Variants in TCF12 observed in about 807,000 individuals in gnomAD.
TCF12 encodes the protein transcription factor 12.
In TCF12, 45 loss-of-function variants were observed where a neutral mutation model predicts 86.0. The ratio of observed to expected loss-of-function variants is 0.52; its 90% CI spans 0.41 to 0.67. The LOEUF (loss-of-function observed/expected upper bound fraction) is 0.67. TCF12 is among the 30% of genes least tolerant of loss of function. TCF12 has a pLI of 0.00. For synonymous variants in TCF12, 330 were observed against 299.6 expected, an observed-to-expected ratio of 1.10 and a Z score of -1.05; for missense variants, 881 against 859.9, an observed-to-expected ratio of 1.02 and a Z score of -0.31.
intron 8 of TCF12, chr15:57,219,317 G>A (rs887500065): frequency 2.4e-5 from 30 of 1,230,232 alleles, no homozygotes; most frequent in Non-Finnish European, 5.1e-6. Flanking sequence ...AGGACTTGAT[G>A]GAAATTGAAA....
intron 3 of TCF12, among the ~76,000 whole-genome samples, chr15:57,039,112 A>G (rs1002136108): frequency 2.0e-5 from 3 of 152,148 alleles, no homozygotes; most frequent in African/African-American, 7.2e-5. Flanking sequence ...ATTCACAAAA[A>G]CTTAGAAAGT....
Position 57,166,358 on chromosome 15 carries a change from A to G in TCF12, c.326-44A>G, listed in dbSNP as rs57181872. 1.3e-4 allele frequency: 196 copies of G among 1,531,106 alleles called. 1 individual carries two copies. In the African/African-American group the frequency reaches 2.4e-3, roughly 19 times the overall value. 94.8% of individuals were successfully genotyped at this position (1,531,106 alleles called of 1,614,324 possible). ...AGTCTAGCAGTTTGATTGTCTGTCA[A>G]TAAATGAAGGGTTTTATATAAAGTT... On this transcript the variant is annotated intron_variant, in intron 5 of 20. Coordinates refer to ENST00000333725, the MANE Select transcript of TCF12 (RefSeq NM_207037.2).
At chr15:57,123,795 T>G (rs1461223095) in intron 5 of TCF12, among the ~76,000 whole-genome samples, 1 of 150,632 alleles carries the variant, frequency 6.6e-6, no homozygotes, top group Non-Finnish European at 1.5e-5. Context: ...ACTAGAAAAG[T>G]ACAAAAAACA....
At chr15:57,114,806 A>G (rs1430463731) in intron 5 of TCF12, among the ~76,000 whole-genome samples, 2 of 152,198 alleles carry the variant, frequency 1.3e-5, no homozygotes, top group Non-Finnish European at 2.9e-5. Flanking sequence ...AAGTTGTTGT[A>G]TATCTTTGGC....
chr15:57,190,290 A>T (rs562311336), intron 6 of TCF12, among the ~76,000 whole-genome samples: 1 of 152,336 alleles, frequency 6.6e-6, no homozygotes, highest in East Asian at 1.9e-4. Context: ...AGTCATTTAA[A>T]TGAGAGTTTT....
chr15:57,219,295 T>G (rs2058467204), intron 8 of TCF12: 2 of 1,218,494 alleles, frequency 1.6e-6, no homozygotes, highest in African/African-American at 3.1e-5. Context: ...ATTGGTATCC[T>G]CCACCAATGC....
intron 5 of TCF12, among the ~76,000 whole-genome samples, chr15:57,165,370 A>G (rs1209336972): frequency 3.3e-5 from 5 of 152,166 alleles, no homozygotes; most frequent in African/African-American, 1.2e-4. Context: ...CAAGATAAAA[A>G]CCATGTAATT....
At chr15:57,246,944 C>T in intron 13 of TCF12, 1 of 530,862 alleles carries the variant, frequency 1.9e-6, no homozygotes, top group Non-Finnish European at 3.7e-6. Flanking sequence ...GAACTGTAGC[C>T]CTTTTCTGCT....
intron 12 of TCF12, among the ~76,000 whole-genome samples, chr15:57,236,629 T>C (rs1303594473): frequency 6.6e-6 from 1 of 152,206 alleles, no homozygotes; most frequent in Non-Finnish European, 1.5e-5. Flanking sequence ...GTACAACCTT[T>C]GTTCTTCAGT....
intron 6 of TCF12, among the ~76,000 whole-genome samples, chr15:57,166,910 A>G (rs2054937704): frequency 6.6e-6 from 1 of 152,156 alleles, no homozygotes; most frequent in African/African-American, 2.4e-5. Flanking sequence ...CCTGACTTGG[A>G]ATCTTTGTTT....
intron 5 of TCF12, among the ~76,000 whole-genome samples, chr15:57,117,510 GAT>G (rs2050925017): frequency 6.6e-6 from 1 of 152,092 alleles, no homozygotes; most frequent in Non-Finnish European, 1.5e-5. Flanking sequence ...TGTTACTGTG[GAT>G]TAGAGTTACT....
At chr15:57,014,226 G>A (rs1478526378) in intron 3 of TCF12, among the ~76,000 whole-genome samples, 2 of 152,118 alleles carry the variant, frequency 1.3e-5, no homozygotes, top group Admixed American at 6.5e-5. Context: ...CCACACTTGT[G>A]AACTTTGAAA....
chr15:57,077,977 T>C (rs1412763974), intron 4 of TCF12, among the ~76,000 whole-genome samples: 1 of 152,196 alleles, frequency 6.6e-6, no homozygotes, highest in Non-Finnish European at 1.5e-5. Flanking sequence ...TATTATTCGA[T>C]ATATAGGTTA....
chr15:57,184,837 A>G (rs1457398294), intron 6 of TCF12, among the ~76,000 whole-genome samples: 8 of 152,172 alleles, frequency 5.3e-5, no homozygotes, highest in Non-Finnish European at 1.2e-4. Context: ...AGGTCATACT[A>G]CTCTCACATA....
intron 18 of TCF12, 122 bp from the exon 19 acceptor site, chr15:57,272,908 C>A: frequency 1.1e-6 from 1 of 907,844 alleles, no homozygotes; most frequent in Non-Finnish European, 1.7e-6. Flanking sequence ...GCACCTATTA[C>A]AACTGTTTAC....
intron 3 of TCF12, among the ~76,000 whole-genome samples, chr15:57,046,435 T>TTTTGTTTG (rs148324656): frequency 1.3e-5 from 2 of 152,036 alleles, no homozygotes; most frequent in Non-Finnish European, 2.9e-5. Context: ...CTGACATTGT[T>TTTTGTTTG]TTTGTTTGTT....
Position 57,058,161 on chromosome 15 carries a change from G to A in TCF12, c.149-5589G>A, listed in dbSNP as rs569151891. Among the ~76,000 whole-genome samples the A allele has an allele frequency of 3.3e-5, 5 of 152,200 alleles. No individual in the cohort carries two copies. The South Asian group carries it at 8.3e-4, about 25-fold the overall frequency. On this transcript the variant is annotated intron_variant, in intron 3 of 20. Transcript: ENST00000333725. ...GTTCCCATTAAACAATTCCCAAGTC[G>A]ACCCCTGGGAACGTATTACTTTCAA...
At chr15:56,957,043 G>T (rs1265671609) in intron 3 of TCF12, among the ~76,000 whole-genome samples, 1 of 152,146 alleles carries the variant, frequency 6.6e-6, no homozygotes, top group Non-Finnish European at 1.5e-5. Flanking sequence ...ATGGGAGTAG[G>T]TTTGCCCCCT....
At chr15:57,084,380 A>T (rs1355607405) in intron 4 of TCF12, among the ~76,000 whole-genome samples, 1 of 152,262 alleles carries the variant, frequency 6.6e-6, no homozygotes. Flanking sequence ...GATTTGATGT[A>T]GTGCTAGTGA....
Sources: gnomAD v4.1 joint callset for allele counts (sites outside exome capture counted in the v4.1 genomes callset) on GRCh38, gnomAD v4.1.1 for gene constraint, MANE v1.5 for transcripts, NCBI Gene and HGNC (gene_info 2026-07-23, HGNC 2026-07-21) for gene names.